The following CAMK1D variants were observed in gnomAD, a reference collection of about 807,000 sequenced individuals.
CAMK1D encodes the protein calcium/calmodulin-dependent protein kinase type 1D.
In CAMK1D, 9 loss-of-function variants were observed where a neutral mutation model predicts 47.7. The observed-to-expected ratio is 0.19, with a 90% confidence interval of 0.11 to 0.33. The LOEUF (loss-of-function observed/expected upper bound fraction) is 0.33. Among genes scored for constraint, CAMK1D ranks in the 10% least tolerant of loss-of-function variants. The pLI is 1.00. For missense variants in CAMK1D, 291 were observed against 488.7 expected, an observed-to-expected ratio of 0.60 and a Z score of 3.81; for synonymous variants, 184 against 184.9, an observed-to-expected ratio of 0.99 and a Z score of 0.04.
At chr10:12,433,303 T>A (rs900487659) in intron 1 of CAMK1D, among the ~76,000 whole-genome samples, 4 of 152,172 alleles carry the variant, frequency 2.6e-5, no homozygotes, top group Admixed American at 1.3e-4. Flanking sequence ...CCCTCCCTCC[T>A]GCAGACCCCA....
intron 2 of CAMK1D, among the ~76,000 whole-genome samples, chr10:12,635,845 C>G (rs925436453): frequency 2.0e-5 from 3 of 152,136 alleles, no homozygotes; most frequent in Admixed American, 2.0e-4. Flanking sequence ...AAATGATACT[C>G]CATTGAGCAT....
At chr10:12,637,991 A>C (rs1350184392) in intron 2 of CAMK1D, among the ~76,000 whole-genome samples, 1 of 151,854 alleles carries the variant, frequency 6.6e-6, no homozygotes, top group Non-Finnish European at 1.5e-5. Context: ...TCCTATCCCC[A>C]CCCTGACCTG....
intron 2 of CAMK1D, among the ~76,000 whole-genome samples, chr10:12,615,695 TGTAG>T (rs957409131): frequency 6.8e-6 from 1 of 146,548 alleles, no homozygotes; most frequent in African/African-American, 2.7e-5. Context: ...GTGTGTGGTT[TGTAG>T]GTGTCTATAG....
chr10:12,639,128 C>T lies in CAMK1D; in HGVS notation c.225-27608C>T, dbSNP rs894470340. Among the ~76,000 whole-genome samples, 12 of 152,340 alleles carry T rather than the reference C, an allele frequency of 7.9e-5. No individual in the cohort carries two copies. The South Asian group carries it at 1.2e-3, about 16-fold the overall frequency. On this transcript the variant is annotated intron_variant, in intron 2 of 10. Coordinates refer to ENST00000619168, the MANE Select transcript of CAMK1D (RefSeq NM_153498.4). ...GTGGGCAGTGATGTACAGGACCTCC[C>T]GCCTCAGAAAGAGAAAGTCCCCTTT... is the stretch of plus-strand genomic sequence containing the variant.
At chr10:12,789,112 A>C (rs538401062) in intron 5 of CAMK1D, among the ~76,000 whole-genome samples, 105 of 152,330 alleles carry the variant, frequency 6.9e-4, no homozygotes, top group Non-Finnish European at 1.2e-3. Flanking sequence ...TTTTCTGCAA[A>C]AGAACTTTTC....
chr10:12,528,085 A>G (rs113016170), intron 1 of CAMK1D, among the ~76,000 whole-genome samples: 1,533 of 152,318 alleles, frequency 0.01, 25 homozygotes, highest in African/African-American at 0.036. Context: ...AATCATTGCA[A>G]TAACCCTATT....
At chr10:12,605,983 G>A (rs900919493) in intron 2 of CAMK1D, among the ~76,000 whole-genome samples, 4 of 152,260 alleles carry the variant, frequency 2.6e-5, no homozygotes, top group African/African-American at 4.8e-5. Flanking sequence ...GAATTTGGCC[G>A]TGAGAGAAGC....
At chr10:12,650,401 C>T (rs138568913) in intron 2 of CAMK1D, among the ~76,000 whole-genome samples, 32 of 152,348 alleles carry the variant, frequency 2.1e-4, no homozygotes, top group Non-Finnish European at 2.2e-4. Context: ...ATGATGTTTA[C>T]GTACACTTCT....
At chr10:12,485,128 C>T (rs1010523629) in intron 1 of CAMK1D, among the ~76,000 whole-genome samples, 6 of 152,202 alleles carry the variant, frequency 3.9e-5, no homozygotes, top group African/African-American at 9.7e-5. Flanking sequence ...AGCAAGAATG[C>T]ACACGGGCCT....
At chr10:12,439,307 A>C (rs1832718453) in intron 1 of CAMK1D, among the ~76,000 whole-genome samples, 1 of 152,194 alleles carries the variant, frequency 6.6e-6, no homozygotes, top group Non-Finnish European at 1.5e-5. Context: ...ATATTTATCG[A>C]AAACTCCCAT....
chr10:12,596,389 C>T (rs977667317), intron 2 of CAMK1D, among the ~76,000 whole-genome samples: 1 of 152,176 alleles, frequency 6.6e-6, no homozygotes, highest in Admixed American at 6.5e-5. Flanking sequence ...TGGGTGTGAT[C>T]TGGTGGGAGG....
intron 3 of CAMK1D, among the ~76,000 whole-genome samples, chr10:12,734,569 T>C (rs1174974902): frequency 4.1e-5 from 6 of 147,562 alleles, no homozygotes; most frequent in Admixed American, 6.8e-5. Flanking sequence ...TACACATATG[T>C]GTATATATAT....
intron 3 of CAMK1D, among the ~76,000 whole-genome samples, chr10:12,749,972 C>T (rs1398359541): frequency 6.6e-6 from 1 of 152,152 alleles, no homozygotes; most frequent in Non-Finnish European, 1.5e-5. Flanking sequence ...CAGCCATTTG[C>T]GCTGAGTGAG....
chr10:12,792,978 ACACACG>A (rs1588935128), intron 6 of CAMK1D, among the ~76,000 whole-genome samples: 1 of 147,982 alleles, frequency 6.8e-6, no homozygotes, highest in East Asian at 2.0e-4. Context: ...ACACACACAC[ACACACG>A]CACGCACACA....
chr10:12,565,371 A>G (rs1163428049), intron 2 of CAMK1D, among the ~76,000 whole-genome samples: 1 of 152,096 alleles, frequency 6.6e-6, no homozygotes, highest in Non-Finnish European at 1.5e-5. Flanking sequence ...CTCCTGCCTC[A>G]GCCTCCCAAG....
chr10:12,566,377 GA>G (rs1588639530), intron 2 of CAMK1D, among the ~76,000 whole-genome samples: 1 of 152,154 alleles, frequency 6.6e-6, no homozygotes, highest in Admixed American at 6.5e-5. Flanking sequence ...TTCCAGGGGT[GA>G]GGCTGCTGCT....
At chr10:12,646,603 T>G (rs951886304) in intron 2 of CAMK1D, among the ~76,000 whole-genome samples, 16 of 152,082 alleles carry the variant, frequency 1.1e-4, no homozygotes, top group African/African-American at 3.9e-4. Context: ...ATAGGGATAA[T>G]AGACCCCTCC....
chr10:12,569,626 G>A (rs1837255510), intron 2 of CAMK1D, among the ~76,000 whole-genome samples: 1 of 147,630 alleles, frequency 6.8e-6, no homozygotes, highest in African/African-American at 2.5e-5. Flanking sequence ...AGCTGAGGCA[G>A]GAGAATGGCG....
chr10:12,602,113 T>C (rs1297447362), intron 2 of CAMK1D, among the ~76,000 whole-genome samples: 1 of 152,240 alleles, frequency 6.6e-6, no homozygotes, highest in Admixed American at 6.5e-5. Flanking sequence ...CGAAGAACTA[T>C]GGTCTTATAA....
Sources: allele counts gnomAD v4.1 joint callset (sites outside exome capture counted in the v4.1 genomes callset), GRCh38; gene constraint gnomAD v4.1.1; transcripts MANE v1.5; gene names NCBI Gene and HGNC (gene_info 2026-07-23, HGNC 2026-07-21).